Variants in TENM2 observed in about 807,000 individuals in gnomAD.
TENM2 encodes teneurin-2.
A neutral mutation model predicts 245.2 loss-of-function variants in TENM2; 52 were observed. The ratio of observed to expected loss-of-function variants is 0.21; its 90% CI spans 0.17 to 0.27. The LOEUF (loss-of-function observed/expected upper bound fraction) is 0.27, where lower values mean the gene tolerates loss of function less well. Ranked by LOEUF, TENM2 falls within the 10% of genes least tolerant of loss-of-function variation. The pLI is 1.00. For synonymous variants in TENM2, 1,363 were observed against 1,438.9 expected, an observed-to-expected ratio of 0.95 and a Z score of 1.19; for missense variants, 3,046 against 3,666.8, an observed-to-expected ratio of 0.83 and a Z score of 4.37.
the TENM2 span, among the ~76,000 whole-genome samples, chr5:167,134,174 A>C: frequency 6.6e-6 from 1 of 152,226 alleles, no homozygotes; most frequent in African/African-American, 2.4e-5. Context: ...ATTAAAAGTC[A>C]AAAAAAGAAA....
intron 5 of TENM2, among the ~76,000 whole-genome samples, chr5:168,035,855 G>A (rs537302188): frequency 4.9e-4 from 74 of 152,180 alleles, no homozygotes; most frequent in Non-Finnish European, 9.9e-4. Context: ...AACAAGCCTC[G>A]GTCTCTTCAT....
chr5:167,540,557 G>T (rs1263169351), intron 2 of TENM2, among the ~76,000 whole-genome samples: 8 of 152,138 alleles, frequency 5.3e-5, no homozygotes, highest in Non-Finnish European at 2.9e-5. Context: ...ACCAAAACAG[G>T]GCGAGTTGAG....
At chr5:167,919,102 C>T (rs962006347) in intron 3 of TENM2, among the ~76,000 whole-genome samples, 55 of 152,260 alleles carry the variant, frequency 3.6e-4, no homozygotes, top group African/African-American at 1.2e-3. Context: ...TCTCATATTA[C>T]GTTTAGATTG....
intron 5 of TENM2, 94 bp from the exon 8 acceptor site, chr5:168,047,333 G>C: frequency 7.0e-6 from 10 of 1,423,230 alleles, no homozygotes; most frequent in Non-Finnish European, 9.7e-6. Flanking sequence ...TCCTCAAAAG[G>C]CAATCGCTTG....
At chr5:168,217,321 A>T (rs1763284024) in intron 22 of TENM2, among the ~76,000 whole-genome samples, 2 of 152,198 alleles carry the variant, frequency 1.3e-5, no homozygotes, top group Admixed American at 1.3e-4. Flanking sequence ...TCACTATATA[A>T]ACCTTTACTT....
intron 2 of TENM2, among the ~76,000 whole-genome samples, chr5:167,754,453 G>A (rs1485946006): frequency 6.6e-6 from 1 of 152,072 alleles, no homozygotes; most frequent in Non-Finnish European, 1.5e-5. Flanking sequence ...GGATTTTAAC[G>A]CTTGTTTTAC....
chr5:167,182,004 G>T, the TENM2 span, among the ~76,000 whole-genome samples: 6 of 152,056 alleles, frequency 3.9e-5, no homozygotes, highest in Non-Finnish European at 7.4e-5. Context: ...CTTATTTGAG[G>T]TTTTATCCAT....
intron 1 of TENM2, among the ~76,000 whole-genome samples, chr5:167,322,733 T>C (rs1425883105): frequency 2.6e-5 from 4 of 152,172 alleles, no homozygotes; most frequent in Non-Finnish European, 5.9e-5. Context: ...AACCAGTGGG[T>C]CATTCAAGGT....
chr5:167,442,984 G>T (rs533240766), intron 2 of TENM2, among the ~76,000 whole-genome samples: 2 of 152,264 alleles, frequency 1.3e-5, no homozygotes, highest in South Asian at 4.1e-4. Flanking sequence ...GGAAAGAGTT[G>T]TTAAACATTA....
chr5:168,234,552 A>C (rs1027590313), intron 25 of TENM2, among the ~76,000 whole-genome samples: 5 of 152,134 alleles, frequency 3.3e-5, no homozygotes, highest in African/African-American at 1.2e-4. Flanking sequence ...CATAAGGCGA[A>C]ACTCCTGGCC....
chr5:167,597,141 A>ATTTCT (rs1315621940), intron 2 of TENM2, among the ~76,000 whole-genome samples: 16 of 141,070 alleles, frequency 1.1e-4, no homozygotes, highest in Admixed American at 2.1e-4. Context: ...ACCCATACAT[A>ATTTCT]TTTCTTTTCT....
At chr5:167,331,235 C>CAAAAAAAAAAAAA (rs34787036) in intron 1 of TENM2, among the ~76,000 whole-genome samples, 1 of 85,538 alleles carries the variant, frequency 1.2e-5, no homozygotes, top group African/African-American at 4.9e-5. Context: ...GACTCTGTCT[C>CAAAAAAAAAAAAA]AAAAAAAAAA....
intron 2 of TENM2, among the ~76,000 whole-genome samples, chr5:167,437,653 TCCC>T (rs1440332226): frequency 6.6e-6 from 1 of 152,030 alleles, no homozygotes; most frequent in Non-Finnish European, 1.5e-5. Flanking sequence ...CTCCCACAAT[TCCC>T]CCATGTCATA....
chr5:167,581,921 GA>G (rs546931095), intron 2 of TENM2, among the ~76,000 whole-genome samples: 2,584 of 140,414 alleles, frequency 0.018, 71 homozygotes, highest in South Asian at 0.054. Context: ...CATTGAGAGA[GA>G]AAAAAAAAAA....
Position 168,160,941 on chromosome 5 carries a change from G to A in TENM2, c.2423-1670G>A, listed in dbSNP as rs146657581. ...AGCTACTGAGGAGGCTGAAGCAGGA[G>A]GATCACTCAAGCCCAGGAGTTCAAG... On this transcript the variant is annotated intron_variant, in intron 12 of 28. Coordinates refer to ENST00000518659, the Ensembl canonical transcript of TENM2. 3.3e-3 allele frequency among the ~76,000 whole-genome samples: 497 copies of A among 152,196 alleles called. 3 individuals are homozygous for A. Among genetic ancestry groups the A allele is most frequent in the African/African-American group, 0.012 (480 of 41,522 alleles).
In TENM2 at chr5:167,390,881, T is replaced by C. The variant is rs561342621; in HGVS notation, c.502+15408T>C. On this transcript the variant is annotated intron_variant, in intron 2 of 28. Transcript: ENST00000518659. ...CAAATCAACTTAATCTGTCCCACTG[T>C]GGTATTTCAGGCCCTCCACAATATA... 5.3e-5 allele frequency among the ~76,000 whole-genome samples: 8 copies of C among 152,272 alleles called. No homozygotes were observed. In the East Asian group the frequency reaches 1.5e-3, roughly 29 times the overall value.
chr5:167,133,445 G>T, the TENM2 span, among the ~76,000 whole-genome samples: 1 of 152,138 alleles, frequency 6.6e-6, no homozygotes, highest in East Asian at 1.9e-4. Flanking sequence ...GAATAGAATA[G>T]AGTAGAATTC....
chr5:167,340,793 A>G, intron 1 of TENM2, among the ~76,000 whole-genome samples: 1 of 152,374 alleles, frequency 6.6e-6, no homozygotes, highest in Non-Finnish European at 1.5e-5. Flanking sequence ...AATCATATTA[A>G]TCATACAGAC....
At chr5:167,228,310 A>G in the TENM2 span, among the ~76,000 whole-genome samples, 31,416 of 151,698 alleles carry the variant, frequency 0.21, 3,788 homozygotes, top group African/African-American at 0.33. Context: ...GATTACAGGC[A>G]TGAGCCACCA....
Sources: allele counts gnomAD v4.1 joint callset (sites outside exome capture counted in the v4.1 genomes callset), GRCh38; gene constraint gnomAD v4.1.1; transcripts MANE v1.5; gene names NCBI Gene and HGNC (gene_info 2026-07-23, HGNC 2026-07-21).